The following NEDD4 variants were observed in gnomAD, a reference collection of about 807,000 sequenced individuals.
The protein encoded by NEDD4 is E3 ubiquitin-protein ligase NEDD4.
Under a neutral mutation model 144.9 loss-of-function variants are expected in NEDD4, and 99 were observed. The ratio of observed to expected loss-of-function variants is 0.68; its 90% CI spans 0.58 to 0.81. NEDD4 has a LOEUF of 0.81. NEDD4 is among the 30% of genes least tolerant of loss of function. NEDD4 has a pLI of 0.00. For synonymous variants in NEDD4, 318 were observed against 350.6 expected, an observed-to-expected ratio of 0.91 and a Z score of 1.04; for missense variants, 985 against 1,065.9, an observed-to-expected ratio of 0.92 and a Z score of 1.06.
intron 7 of NEDD4, among the ~76,000 whole-genome samples, chr15:55,871,288 T>C (rs1174777113): frequency 6.6e-6 from 1 of 152,242 alleles, no homozygotes; most frequent in Non-Finnish European, 1.5e-5. Context: ...GTCTTTTCAA[T>C]TGGAAAAGAA....
At chr15:55,904,462 C>T (rs1416506022) in intron 5 of NEDD4, among the ~76,000 whole-genome samples, 2 of 151,978 alleles carry the variant, frequency 1.3e-5, no homozygotes, top group African/African-American at 4.8e-5. Flanking sequence ...ACCAACACGC[C>T]TGGCTAATTT....
At chr15:55,833,956 C>T (rs2033076122) in intron 26 of NEDD4, 82 bp downstream of exon 26, 5 of 983,250 alleles carry the variant, frequency 5.1e-6, no homozygotes. Flanking sequence ...ATGTAATCCA[C>T]CAGTATAGTT....
At chr15:55,933,799 T>A (rs2036830418) in intron 4 of NEDD4, among the ~76,000 whole-genome samples, 1 of 152,170 alleles carries the variant, frequency 6.6e-6, no homozygotes, top group African/African-American at 2.4e-5. Flanking sequence ...GATTGTAAGT[T>A]TTCTGAGGCC....
At chr15:55,832,069 G>A (rs1212841556) in intron 27 of NEDD4, among the ~76,000 whole-genome samples, 5 of 150,610 alleles carry the variant, frequency 3.3e-5, no homozygotes, top group East Asian at 2.0e-4. Flanking sequence ...TTACTTTACC[G>A]AAAACTGCAT....
At chr15:55,837,670 G>A in intron 24 of NEDD4, 119 bp downstream of exon 24, 1 of 577,120 alleles carries the variant, frequency 1.7e-6, no homozygotes, top group Middle Eastern at 4.2e-4. Context: ...ATATAATTTA[G>A]AATGATTTCA....
intron 5 of NEDD4, chr15:55,915,307 T>C: frequency 6.3e-7 from 1 of 1,597,680 alleles, no homozygotes; most frequent in Non-Finnish European, 8.5e-7. Context: ...GACAGTTCAT[T>C]TGTGCAATCT....
intron 4 of NEDD4, among the ~76,000 whole-genome samples, chr15:55,928,040 C>A (rs1304873325): frequency 6.6e-6 from 1 of 151,822 alleles, no homozygotes; most frequent in Non-Finnish European, 1.5e-5. Flanking sequence ...TTTCCCTTCT[C>A]ACTCTGTCAC....
At position 55,959,583 on chromosome 15, in the gene NEDD4, T is replaced by G. The variant is rs140189460; in HGVS notation, c.119+6890A>C. On this transcript the variant is annotated intron_variant, in intron 2 of 28. Coordinates refer to ENST00000435532, the MANE Select transcript of NEDD4 (RefSeq NM_006154.4). ...CCTCTCCTCTTAAGCATGGGACAGA[T>G]CTATATATTCTAACCAACAGATTAT... Among the ~76,000 whole-genome samples the G allele has an allele frequency of 5.9e-5, 9 of 152,292 alleles. No homozygotes were observed. The East Asian group carries it at 1.5e-3, about 26-fold the overall frequency.
intron 9 of NEDD4, among the ~76,000 whole-genome samples, chr15:55,861,895 T>A (rs757666020): frequency 6.6e-6 from 1 of 152,192 alleles, no homozygotes; most frequent in African/African-American, 2.4e-5. Flanking sequence ...ATAATTTTGA[T>A]ACATGGCTCT....
intron 24 of NEDD4, among the ~76,000 whole-genome samples, chr15:55,834,836 G>C (rs1357767864): frequency 6.6e-6 from 1 of 152,120 alleles, no homozygotes; most frequent in Non-Finnish European, 1.5e-5. Flanking sequence ...TGAGGGAAAA[G>C]AGGCAATTAT....
intron 8 of NEDD4, among the ~76,000 whole-genome samples, chr15:55,866,957 T>C (rs545217101): frequency 1.3e-5 from 2 of 152,326 alleles, no homozygotes; most frequent in African/African-American, 2.4e-5. Flanking sequence ...CAATATGTAA[T>C]TGCTCACAAT....
At chr15:55,899,105 G>A (rs969121812) in intron 5 of NEDD4, among the ~76,000 whole-genome samples, 1 of 152,164 alleles carries the variant, frequency 6.6e-6, no homozygotes, top group Non-Finnish European at 1.5e-5. Flanking sequence ...TGTAAAGATT[G>A]TACATATGGC....
At chr15:55,937,322 C>G (rs1345321473) in intron 4 of NEDD4, among the ~76,000 whole-genome samples, 1 of 152,114 alleles carries the variant, frequency 6.6e-6, no homozygotes, top group Non-Finnish European at 1.5e-5. Flanking sequence ...TCAAAACATT[C>G]TGGGCTATAT....
chr15:55,933,520 G>C (rs149582146), intron 4 of NEDD4, among the ~76,000 whole-genome samples: 17,306 of 131,192 alleles, frequency 0.13, 1,240 homozygotes, highest in East Asian at 0.32. Flanking sequence ...CACACACTGG[G>C]GCCTGTCGTG....
intron 5 of NEDD4, among the ~76,000 whole-genome samples, chr15:55,920,317 C>T (rs1055331975): frequency 2.6e-5 from 4 of 151,998 alleles, no homozygotes; most frequent in Admixed American, 6.6e-5. Flanking sequence ...AACTGCTAAA[C>T]GTGAGAAGCA....
At chr15:55,986,641 G>A (rs1226587648) in intron 1 of NEDD4, among the ~76,000 whole-genome samples, 2 of 141,168 alleles carry the variant, frequency 1.4e-5, no homozygotes, top group Non-Finnish European at 3.0e-5. Context: ...CGAGGCTGGA[G>A]TGCAGTGGCA....
At position 55,838,197 on chromosome 15, in the gene NEDD4, T is replaced by C. The variant is rs1188537097; in HGVS notation, c.2128-17A>G. The C allele has an allele frequency of 2.0e-6, 3 of 1,529,946 alleles. No homozygotes were observed. The highest frequency in any genetic ancestry group is 2.7e-5 in the African/African-American group (2 of 73,000). 94.8% of individuals were successfully genotyped at this position (1,529,946 alleles called of 1,614,324 possible). A position where few individuals can be genotyped will look rare whatever the true frequency, so the allele number is the denominator to read the frequency against. On this transcript the variant is annotated splice_polypyrimidine_tract_variant and intron_variant, in intron 22 of 28. Coordinates refer to ENST00000435532, the MANE Select transcript of NEDD4 (RefSeq NM_006154.4). ...TTGATGTGTCTAAAATTAAACACAA[T>C]AACTTGATATGTTATTTTAGCGAGA...
chr15:55,907,021 G>A (rs1376186606), intron 5 of NEDD4, among the ~76,000 whole-genome samples: 3 of 151,920 alleles, frequency 2.0e-5, no homozygotes, highest in African/African-American at 7.2e-5. Context: ...CTTCAACCTG[G>A]GAGGCAGAGG....
intron 5 of NEDD4, among the ~76,000 whole-genome samples, chr15:55,881,731 GA>G (rs2035201111): frequency 6.6e-6 from 1 of 152,068 alleles, no homozygotes; most frequent in Non-Finnish European, 1.5e-5. Context: ...TATGTTTGAT[GA>G]TTTGTGACCC....
Sources: allele counts gnomAD v4.1 joint callset (sites outside exome capture counted in the v4.1 genomes callset), GRCh38; gene constraint gnomAD v4.1.1; transcripts MANE v1.5; gene names NCBI Gene and HGNC (gene_info 2026-07-23, HGNC 2026-07-21).